The following NEO1 variants were observed in gnomAD, a reference collection of about 807,000 sequenced individuals.
The protein encoded by NEO1 is neogenin.
NEO1 carries 63 observed loss-of-function variants against 159.7 expected under a neutral mutation model. That is an observed-to-expected ratio of 0.39 (90% CI 0.32 to 0.49). NEO1 has a LOEUF of 0.49. Among genes scored for constraint, NEO1 ranks in the 20% least tolerant of loss-of-function variants. NEO1 has a pLI of 0.85. For missense variants in NEO1, 1,615 were observed against 1,831.0 expected (o/e 0.88, Z 2.15); for synonymous variants, 633 against 662.0 (o/e 0.96, Z 0.67).
At chr15:73,142,996 C>T (rs984076770) in intron 5 of NEO1, among the ~76,000 whole-genome samples, 10 of 152,060 alleles carry the variant, frequency 6.6e-5, no homozygotes, top group Admixed American at 6.6e-4. Context: ...AACTGAGTAA[C>T]TTAAGGCTTA....
At chr15:73,118,610 G>C (rs778522448) in intron 2 of NEO1, among the ~76,000 whole-genome samples, 1 of 152,010 alleles carries the variant, frequency 6.6e-6, no homozygotes, top group South Asian at 2.1e-4. Context: ...TGCTAAGTTT[G>C]TCCATTCTTC....
At position 73,249,697 on chromosome 15, in the gene NEO1, G is replaced by A; in HGVS notation, c.1870G>A (p.Val624Ile). 6.2e-7 allele frequency: 1 copy of A among 1,612,558 alleles called. No individual in the cohort carries two copies. The highest frequency in any genetic ancestry group is 8.5e-7 in the Non-Finnish European group (1 of 1,179,574). ...TGGTCCTGGAGTTTCCACACCAGAT[G>A]TTGCTGTTCGAACATTGTCAGATGG... ...KHGPGVSTPD[V>I]AVRTLSDVPS... The change falls in exon 11 of 29, where the codon GTT becomes ATT. Residue 624 changes from valine (V) to isoleucine (I), a missense_variant. This residue lies in a region of NEO1 where 1,018 missense variants were observed against 1,115.4 expected (regional missense o/e 0.91). Coordinates refer to ENST00000261908, the MANE Select transcript of NEO1 (RefSeq NM_002499.4).
chr15:73,132,272 T>C (rs577683544), intron 4 of NEO1, among the ~76,000 whole-genome samples: 11 of 152,366 alleles, frequency 7.2e-5, no homozygotes, highest in Non-Finnish European at 8.8e-5. Context: ...TTGTCCCTAT[T>C]GTTACGGCCA....
Position 73,160,087 on chromosome 15 carries a change from T to G in NEO1, c.1016-16316T>G, listed in dbSNP as rs544936311. Reference sequence around the variant, plus strand: ...AACTTGTATATATTAGGGAAATTAGTTCTGTTATCTGTTTTCCCCCTGTTC... The same window carrying G: ...AACTTGTATATATTAGGGAAATTAGGTCTGTTATCTGTTTTCCCCCTGTTC... On this transcript the variant is annotated intron_variant, in intron 5 of 28. Coordinates refer to ENST00000261908, the MANE Select transcript of NEO1 (RefSeq NM_002499.4). Among the ~76,000 whole-genome samples the G allele has an allele frequency of 4.8e-4, 73 of 152,312 alleles. 1 individual carries two copies. Among genetic ancestry groups the G allele is most frequent in the Non-Finnish European group, 8.1e-4 (55 of 68,026 alleles).
chr15:73,290,304 G>T (rs1447526658), intron 25 of NEO1, among the ~76,000 whole-genome samples: 1 of 120,178 alleles, frequency 8.3e-6, no homozygotes, highest in Non-Finnish European at 1.6e-5. Context: ...GCAGTGTCAC[G>T]ATCTCAGCTC....
chr15:73,251,061 C>G (rs965576457), intron 11 of NEO1, among the ~76,000 whole-genome samples: 2 of 152,112 alleles, frequency 1.3e-5, no homozygotes, highest in Non-Finnish European at 2.9e-5. Flanking sequence ...GATTCAGAAA[C>G]AATATGTAGA....
At chr15:73,066,320 C>CT (rs35179965) in intron 1 of NEO1, among the ~76,000 whole-genome samples, 19,635 of 110,094 alleles carry the variant, frequency 0.18, 2,053 homozygotes, top group African/African-American at 0.24. Flanking sequence ...CACCTGGCCT[C>CT]TTTTTTTTTT....
intron 7 of NEO1, among the ~76,000 whole-genome samples, chr15:73,197,310 G>T (rs1363417286): frequency 6.6e-6 from 1 of 152,130 alleles, no homozygotes; most frequent in Non-Finnish European, 1.5e-5. Flanking sequence ...AGTGAGCTGA[G>T]ATTGTGCCAC....
intron 11 of NEO1, among the ~76,000 whole-genome samples, chr15:73,252,806 ATGGTG>A (rs2040145653): frequency 6.6e-6 from 1 of 152,098 alleles, no homozygotes. Flanking sequence ...CCTGGCCAAC[ATGGTG>A]AAACCCCGTC....
At chr15:73,231,833 A>C (rs1431884353) in intron 7 of NEO1, among the ~76,000 whole-genome samples, 1 of 152,194 alleles carries the variant, frequency 6.6e-6, no homozygotes, top group Non-Finnish European at 1.5e-5. Context: ...ATGAGTAATA[A>C]AGTTCTTTGT....
chr15:73,135,861 ATCT>A, intron 4 of NEO1, 27 bp from the exon 5 acceptor site: 1 of 1,244,630 alleles, frequency 8.0e-7, no homozygotes, highest in Non-Finnish European at 1.1e-6. Context: ...ACTGAAATGT[ATCT>A]TTTTTTTTTT....
chr15:73,117,228 A>G (rs1262101181), intron 2 of NEO1, among the ~76,000 whole-genome samples: 2 of 152,228 alleles, frequency 1.3e-5, no homozygotes, highest in Non-Finnish European at 2.9e-5. Flanking sequence ...TAAAACTTGC[A>G]GTAAAGTCAG....
intron 5 of NEO1, among the ~76,000 whole-genome samples, chr15:73,142,063 T>C (rs2032439972): frequency 6.6e-6 from 1 of 152,262 alleles, no homozygotes; most frequent in South Asian, 2.1e-4. Context: ...CTTTTATCAG[T>C]TGAATGGGTT....
At chr15:73,220,444 C>T (rs1040657601) in intron 7 of NEO1, among the ~76,000 whole-genome samples, 4 of 152,004 alleles carry the variant, frequency 2.6e-5, no homozygotes, top group African/African-American at 9.7e-5. Flanking sequence ...TTGTGGCATT[C>T]TCTGTATTTC....
At chr15:73,103,204 A>G (rs2151521580) in intron 1 of NEO1, among the ~76,000 whole-genome samples, 1 of 152,286 alleles carries the variant, frequency 6.6e-6, no homozygotes, top group East Asian at 1.9e-4. Flanking sequence ...ACTAATCTCC[A>G]TTTGGCAGTA....
chr15:73,076,239 A>T (rs541326980), intron 1 of NEO1, among the ~76,000 whole-genome samples: 2 of 152,290 alleles, frequency 1.3e-5, no homozygotes, highest in East Asian at 3.9e-4. Context: ...TAATAGCAAT[A>T]TGGGGGCATG....
chr15:73,097,238 T>G (rs1487469814), intron 1 of NEO1, among the ~76,000 whole-genome samples: 1 of 152,198 alleles, frequency 6.6e-6, no homozygotes, highest in East Asian at 1.9e-4. Context: ...ACAAAAATGT[T>G]TTGACCTTGT....
At chr15:73,287,918 A>G (rs2042011609) in intron 23 of NEO1, among the ~76,000 whole-genome samples, 1 of 151,794 alleles carries the variant, frequency 6.6e-6, no homozygotes, top group Non-Finnish European at 1.5e-5. Flanking sequence ...TCCCTCCTTT[A>G]TAAGCCACAG....
chr15:73,134,135 A>G (rs1466412679), intron 4 of NEO1, among the ~76,000 whole-genome samples: 1 of 152,158 alleles, frequency 6.6e-6, no homozygotes, highest in African/African-American at 2.4e-5. Flanking sequence ...TAATTTTTGT[A>G]AATTTTTCTT....
Sources: allele counts gnomAD v4.1 joint callset (sites outside exome capture counted in the v4.1 genomes callset), GRCh38; gene constraint gnomAD v4.1.1; regional missense constraint gnomAD v4.1.1; transcripts MANE v1.5; gene names NCBI Gene and HGNC (gene_info 2026-07-23, HGNC 2026-07-21).